UTRN: variants seen among roughly 807,000 people sequenced by gnomAD.
UTRN encodes the protein utrophin.
Under a neutral mutation model 463.9 loss-of-function variants are expected in UTRN, and 283 were observed. That is an observed-to-expected ratio of 0.61 (90% confidence interval 0.55 to 0.67). The LOEUF is 0.67. Ranked by LOEUF, UTRN falls within the 30% of genes least tolerant of loss-of-function variation. UTRN has a pLI of 0.00. For synonymous variants in UTRN, 1,442 were observed against 1,431.5 expected (o/e 1.01, Z -0.17); for missense variants, 3,922 against 4,084.3 (o/e 0.96, Z 1.08).
At chr6:144,752,672 A>C (rs944201571) in intron 56 of UTRN, among the ~76,000 whole-genome samples, 5 of 152,188 alleles carry the variant, frequency 3.3e-5, no homozygotes, top group Admixed American at 6.6e-5. Flanking sequence ...TAGTAAAGCA[A>C]AATCTGTTAA....
At chr6:144,416,503 C>A (rs1249694147) in intron 3 of UTRN, among the ~76,000 whole-genome samples, 1 of 152,144 alleles carries the variant, frequency 6.6e-6, no homozygotes, top group African/African-American at 2.4e-5. Flanking sequence ...CCGCTAGACC[C>A]CCCTGGCTTC....
rs964872546 is a variant in UTRN, at chr6:144,678,320, A to G, written c.7480-86A>G. The G allele has an allele frequency of 1.6e-5, 21 of 1,299,354 alleles. 1 individual carries two copies. In the African/African-American group the frequency reaches 1.6e-4, roughly 10 times the overall value. The allele number at this position is 1,299,354 out of a possible 1,614,324, so 80.5% of individuals were successfully genotyped here. A position where few individuals can be genotyped will look rare whatever the true frequency, so the allele number is the denominator to read the frequency against. ...CTTATAATTTAAGGTGAAATGAACT[A>G]TTTTGCTTGAGAGCAACTCATCTGT... On this transcript the variant is annotated intron_variant, in intron 51 of 74. Transcript: ENST00000367545.
intron 66 of UTRN, among the ~76,000 whole-genome samples, chr6:144,825,178 T>G (rs574214389): frequency 6.6e-6 from 1 of 152,308 alleles, no homozygotes; most frequent in East Asian, 1.9e-4. Context: ...TGGCCTGGGT[T>G]ACATTTCATA....
At chr6:144,425,079 T>C (rs1785176927) in intron 6 of UTRN, among the ~76,000 whole-genome samples, 1 of 152,196 alleles carries the variant, frequency 6.6e-6, no homozygotes, top group Non-Finnish European at 1.5e-5. Context: ...TGCATTACAT[T>C]TATTTTTCAT....
In UTRN at chr6:144,843,070, A is replaced by G. The variant is rs1781729483; in HGVS notation, c.10270+2238A>G. On this transcript the variant is annotated intron_variant, in intron 73 of 74. Coordinates refer to ENST00000367545, the MANE Select transcript of UTRN (RefSeq NM_007124.3). ...TTACTTAGTGAGTAGATAAAATCTCATCATAGTCTTTATGAGCCAGAATTA... is the reference window on the plus strand; with the variant it reads ...TTACTTAGTGAGTAGATAAAATCTCGTCATAGTCTTTATGAGCCAGAATTA... Among the ~76,000 whole-genome samples the G allele has an allele frequency of 2.6e-5, 4 of 152,222 alleles. No homozygotes were observed. The South Asian group carries it at 6.2e-4, about 24-fold the overall frequency.
intron 2 of UTRN, among the ~76,000 whole-genome samples, chr6:144,314,507 T>C (rs1024938927): frequency 1.3e-5 from 2 of 152,190 alleles, no homozygotes; most frequent in East Asian, 3.8e-4. Flanking sequence ...CGAACCTCCT[T>C]CATGGTAAAA....
chr6:144,594,097 C>A (rs936391932), intron 51 of UTRN, among the ~76,000 whole-genome samples: 4 of 151,924 alleles, frequency 2.6e-5, no homozygotes, highest in Non-Finnish European at 5.9e-5. Context: ...ATATTTCAAG[C>A]AAAAATGAAA....
chr6:144,378,476 T>A (rs1286790646), intron 2 of UTRN, among the ~76,000 whole-genome samples: 1 of 151,950 alleles, frequency 6.6e-6, no homozygotes, highest in Non-Finnish European at 1.5e-5. Context: ...ACTGGAGGAG[T>A]CGTCCAGAAG....
intron 53 of UTRN, among the ~76,000 whole-genome samples, chr6:144,722,628 C>A (rs80147649): frequency 0.048 from 7,359 of 152,104 alleles, 357 homozygotes; most frequent in Admixed American, 0.14. Context: ...ACATAGGAAC[C>A]CTTAGACATA....
chr6:144,389,156 G>A (rs1322327671), intron 2 of UTRN, among the ~76,000 whole-genome samples: 13 of 152,204 alleles, frequency 8.5e-5, no homozygotes, highest in African/African-American at 3.1e-4. Context: ...TGGAAAGGCA[G>A]GACAACTCGA....
intron 51 of UTRN, among the ~76,000 whole-genome samples, chr6:144,597,053 A>G (rs750920821): frequency 1.3e-5 from 2 of 152,168 alleles, no homozygotes; most frequent in Non-Finnish European, 2.9e-5. Context: ...CCTGGCTAAC[A>G]TGGTGAAACC....
At position 144,748,376 on chromosome 6, in the gene UTRN, G is replaced by A. The variant is rs1790989084; in HGVS notation, c.8070G>A (p.Leu2690=). The stretch of plus-strand genomic sequence containing the variant: ...GGCAAAAGCAAGTGGACAAGGCATT[G>A]GAGAAACTCAGAGACCTGCAGGGAG... ...SNWQKQVDKA[L]EKLRDLQGAM... The change falls in exon 55 of 75, where the codon TTG becomes TTA. Residue 2690 remains leucine, a synonymous_variant. Coordinates refer to ENST00000367545, the MANE Select transcript of UTRN (RefSeq NM_007124.3). 5.6e-6 allele frequency: 9 copies of A among 1,613,860 alleles called. No individual in the cohort carries two copies. Among genetic ancestry groups the A allele is most frequent in the Non-Finnish European group, 7.6e-6 (9 of 1,179,918 alleles).
rs565581366 is a variant in UTRN at position 144,516,671 on chromosome 6, T to A, written c.5404-140T>A. The A allele has an allele frequency of 1.1e-5, 8 of 697,602 alleles. No homozygotes were observed. The Admixed American group carries it at 3.2e-4, about 28-fold the overall frequency. 43.2% of individuals were successfully genotyped at this position (697,602 alleles called of 1,614,324 possible). A position where few individuals can be genotyped will look rare whatever the true frequency, so the allele number is the denominator to read the frequency against. On this transcript the variant is annotated intron_variant, in intron 38 of 74. Coordinates refer to ENST00000367545, the MANE Select transcript of UTRN (RefSeq NM_007124.3). ...ATATAAAATATATTTAAAAAAAACA[T>A]AAATTTTTTGATCGTTCAGGTTAAC...
At chr6:144,600,958 T>C (rs886499803) in intron 51 of UTRN, among the ~76,000 whole-genome samples, 2 of 152,168 alleles carry the variant, frequency 1.3e-5, no homozygotes, top group South Asian at 4.1e-4. Context: ...AAGAATTATG[T>C]GAAATCTATT....
intron 33 of UTRN, among the ~76,000 whole-genome samples, chr6:144,495,281 C>T (rs935365163): frequency 2.6e-5 from 4 of 152,214 alleles, no homozygotes; most frequent in Non-Finnish European, 5.9e-5. Context: ...CTGCAGGTCC[C>T]GAGCCCTGCC....
intron 58 of UTRN, among the ~76,000 whole-genome samples, chr6:144,760,645 AT>A (rs1217724842): frequency 2.6e-5 from 4 of 152,194 alleles, no homozygotes; most frequent in African/African-American, 9.6e-5. Flanking sequence ...TGAAAACAAA[AT>A]TTAATTCCCA....
chr6:144,471,504 G>A (rs948337168), intron 23 of UTRN, among the ~76,000 whole-genome samples: 1 of 152,218 alleles, frequency 6.6e-6, no homozygotes, highest in African/African-American at 2.4e-5. Flanking sequence ...GTTAAACGGA[G>A]AATTTTTAAA....
intron 43 of UTRN, among the ~76,000 whole-genome samples, chr6:144,535,927 G>A (rs915446791): frequency 6.6e-6 from 1 of 152,124 alleles, no homozygotes. Flanking sequence ...CTGCAAGTGT[G>A]TGCTACCACA....
chr6:144,369,890 C>T (rs950501651), intron 2 of UTRN, among the ~76,000 whole-genome samples: 1 of 152,198 alleles, frequency 6.6e-6, no homozygotes, highest in Non-Finnish European at 1.5e-5. Flanking sequence ...GTAAGACATG[C>T]CTTTGCTCCT....
Sources: gnomAD v4.1 joint callset for allele counts (sites outside exome capture counted in the v4.1 genomes callset) on GRCh38, gnomAD v4.1.1 for gene constraint, MANE v1.5 for transcripts, NCBI Gene and HGNC (gene_info 2026-07-23, HGNC 2026-07-21) for gene names.